ABCA13: variants seen among roughly 807,000 people sequenced by gnomAD.
The protein encoded by ABCA13 is ATP binding cassette subfamily A member 13, also known as ATP-binding cassette sub-family A member 13.
ABCA13 carries 476 observed loss-of-function variants against 478.7 expected under a neutral mutation model. That is an observed-to-expected ratio of 0.99 (90% CI 0.92 to 1.07). The LOEUF (loss-of-function observed/expected upper bound fraction) is 1.07. Ranked by LOEUF, ABCA13 falls within the 50% of genes least tolerant of loss-of-function variation. The probability of loss-of-function intolerance (pLI) is 0.00; values close to 1 mark genes in which losing one functional copy is unlikely to be tolerated. For missense variants in ABCA13, 6,060 were observed against 5,910.6 expected (o/e 1.03, Z -0.83); for synonymous variants, 2,252 against 2,158.9 (o/e 1.04, Z -1.20).
At chr7:48,497,151 G>C (rs1830349032) in intron 48 of ABCA13, among the ~76,000 whole-genome samples, 2 of 151,844 alleles carry the variant, frequency 1.3e-5, no homozygotes. Context: ...ATGTTATTTA[G>C]ATTGGATAAG....
chr7:48,634,168 A>G (rs1428144719), intron 59 of ABCA13, among the ~76,000 whole-genome samples: 1 of 152,126 alleles, frequency 6.6e-6, no homozygotes, highest in Non-Finnish European at 1.5e-5. Flanking sequence ...AATTTTTTTC[A>G]ATATTATTGG....
At position 48,239,291 on chromosome 7, in the gene ABCA13, C is replaced by A; in HGVS notation, c.948C>A (p.Ser316Arg). The A allele has an allele frequency of 3.1e-6, 5 of 1,613,966 alleles. No homozygotes were observed. The highest frequency in any genetic ancestry group is 2.2e-5 in the South Asian group (2 of 91,076). ...LEKMVCSVLS[S>R]TSEDEAEKWG... ...AGATGGTGTGTTCAGTCTTGTCTAG[C>A]ACATCAGAGGATGAAGCTGAGAAAT... The change falls in exon 9 of 62, where the codon AGC becomes AGA. Residue 316 changes from serine (S) to arginine (R), a missense_variant. Transcript: ENST00000435803.
intron 20 of ABCA13, among the ~76,000 whole-genome samples, 159 bp downstream of exon 20, chr7:48,288,237 C>G (rs531828979): frequency 6.6e-6 from 1 of 152,184 alleles, no homozygotes; most frequent in Non-Finnish European, 1.5e-5. Flanking sequence ...GACTGCTCAC[C>G]CTTCCTCCCT....
Position 48,275,900 on chromosome 7 carries a change from G to A in ABCA13, c.6234G>A (p.Leu2078=). The A allele has an allele frequency of 1.2e-6, 2 of 1,613,534 alleles. No individual in the cohort carries two copies. Among genetic ancestry groups the A allele is most frequent in the Non-Finnish European group, 1.7e-6 (2 of 1,179,792 alleles). ...CCCAAGATTTTAGAATCAGACACCT[G>A]CTTTCTGAAATGAACAAAGGAATCA... ...DLTQDFRIRH[L]LSEMNKGIKS... The change falls in exon 17 of 62, where the codon CTG becomes CTA. Residue 2078 remains leucine, a synonymous_variant. Transcript: ENST00000435803.
chr7:48,461,390 T>C (rs530327875), intron 43 of ABCA13, among the ~76,000 whole-genome samples: 5 of 152,334 alleles, frequency 3.3e-5, no homozygotes, highest in Middle Eastern at 3.4e-3. Context: ...CCCAAGAGCA[T>C]TCTTCCTCTC....
intron 3 of ABCA13, among the ~76,000 whole-genome samples, chr7:48,204,436 C>G (rs192564835): frequency 7.9e-5 from 12 of 152,224 alleles, no homozygotes; most frequent in African/African-American, 2.9e-4. Flanking sequence ...GTCTTGAATT[C>G]CTGACCTCAG....
intron 21 of ABCA13, 137 bp downstream of exon 21, chr7:48,296,000 A>G: frequency 1.7e-6 from 2 of 1,153,702 alleles, no homozygotes; most frequent in Non-Finnish European, 2.3e-6. Context: ...TATATTTTCC[A>G]AACATCAAAG....
chr7:48,599,918 ACAGCAAGT>A (rs3078325), intron 58 of ABCA13, among the ~76,000 whole-genome samples: 102,136 of 151,200 alleles, frequency 0.68, 34,929 homozygotes, highest in African/African-American at 0.77. Context: ...TATTGTATAT[ACAGCAAGT>A]CAGCAAGTTA....
At chr7:48,566,496 T>C (rs1428794316) in intron 55 of ABCA13, among the ~76,000 whole-genome samples, 1 of 152,204 alleles carries the variant, frequency 6.6e-6, no homozygotes, top group Non-Finnish European at 1.5e-5. Context: ...AAGGAGATGT[T>C]GGTTAGCATC....
intron 55 of ABCA13, among the ~76,000 whole-genome samples, chr7:48,551,804 G>C (rs1172515055): frequency 6.6e-6 from 1 of 151,554 alleles, no homozygotes; most frequent in Non-Finnish European, 1.5e-5. Context: ...CAGAGAGTAG[G>C]TTTCAGCCTT....
intron 3 of ABCA13, among the ~76,000 whole-genome samples, chr7:48,202,129 C>T (rs1246757499): frequency 6.6e-6 from 1 of 152,164 alleles, no homozygotes; most frequent in Non-Finnish European, 1.5e-5. Context: ...AGATTTATTG[C>T]AAGGAACGAA....
At chr7:48,598,252 G>A (rs1259657358) in intron 58 of ABCA13, among the ~76,000 whole-genome samples, 1 of 152,048 alleles carries the variant, frequency 6.6e-6, no homozygotes, top group Admixed American at 6.6e-5. Flanking sequence ...TCTTCTCATG[G>A]CTTGATAGCT....
chr7:48,480,864 C>T lies in ABCA13; in HGVS notation c.12976-172C>T, dbSNP rs1386563906. ...CACAGTGGTATTCTGGCATAATTCT[C>T]AAATACATGTGACTGAAAGAGATTT... On this transcript the variant is annotated intron_variant, in intron 45 of 61. Coordinates refer to ENST00000435803, the MANE Select transcript of ABCA13 (RefSeq NM_152701.5). 2.6e-5 allele frequency among the ~76,000 whole-genome samples: 4 copies of T among 152,094 alleles called. No homozygotes were observed. The East Asian group carries it at 7.7e-4, about 29-fold the overall frequency.
intron 1 of ABCA13, among the ~76,000 whole-genome samples, chr7:48,184,458 G>A (rs1284892651): frequency 6.6e-6 from 1 of 152,060 alleles, no homozygotes; most frequent in Non-Finnish European, 1.5e-5. Flanking sequence ...TATGACTTTC[G>A]TGTCTTATTT....
rs183547405 is a variant in ABCA13 at position 48,220,694 on chromosome 7, A to T, written c.440-587A>T. ...TAGACCAGAATGGTTCCAAACACCAAATGATGGAGTTCTTATATTACACTC... is the reference window on the plus strand; with the variant it reads ...TAGACCAGAATGGTTCCAAACACCATATGATGGAGTTCTTATATTACACTC... On this transcript the variant is annotated intron_variant, in intron 4 of 61. Coordinates refer to ENST00000435803, the MANE Select transcript of ABCA13 (RefSeq NM_152701.5). Among the ~76,000 whole-genome samples, 3 of 152,276 alleles carry T rather than the reference A, an allele frequency of 2.0e-5. No individual in the cohort carries two copies. The East Asian group carries it at 5.8e-4, about 29-fold the overall frequency.
At chr7:48,433,861 A>G (rs1402547868) in intron 42 of ABCA13, among the ~76,000 whole-genome samples, 9 of 152,084 alleles carry the variant, frequency 5.9e-5, no homozygotes, top group Non-Finnish European at 1.0e-4. Context: ...TCATTCTTTT[A>G]TAAGGCTGAA....
intron 42 of ABCA13, among the ~76,000 whole-genome samples, chr7:48,445,468 C>T (rs1430490421): frequency 6.6e-6 from 1 of 152,212 alleles, no homozygotes; most frequent in Non-Finnish European, 1.5e-5. Flanking sequence ...GGACTCCTTT[C>T]AGTTTCTTAA....
chr7:48,411,256 TTTCC>T (rs1819166976), intron 40 of ABCA13, among the ~76,000 whole-genome samples: 1 of 134,766 alleles, frequency 7.4e-6, no homozygotes, highest in African/African-American at 2.7e-5. Flanking sequence ...TCTGTTTCTC[TTTCC>T]TTCCTTTCCT....
chr7:48,227,029 C>T (rs1358541341), intron 5 of ABCA13, among the ~76,000 whole-genome samples: 1 of 151,752 alleles, frequency 6.6e-6, no homozygotes, highest in African/African-American at 2.4e-5. Context: ...CCATATTTTT[C>T]CCTCCTTGTC....
Sources: gnomAD v4.1 joint callset for allele counts (sites outside exome capture counted in the v4.1 genomes callset) on GRCh38, gnomAD v4.1.1 for gene constraint, MANE v1.5 for transcripts, NCBI Gene and HGNC (gene_info 2026-07-23, HGNC 2026-07-21) for gene names.